The following SNED1 variants were observed in gnomAD, a reference collection of about 807,000 sequenced individuals.
The protein encoded by SNED1 is sushi, nidogen and EGF-like domain-containing protein 1.
Under a neutral mutation model 166.7 loss-of-function variants are expected in SNED1, and 81 were observed. That is an observed-to-expected ratio of 0.49 (90% confidence interval 0.41 to 0.58). The LOEUF (loss-of-function observed/expected upper bound fraction) is 0.58. Ranked by LOEUF, SNED1 falls within the 20% of genes least tolerant of loss-of-function variation. SNED1 has a pLI of 0.00. For synonymous variants in SNED1, 762 were observed against 822.0 expected (o/e 0.93, Z 1.25); for missense variants, 1,604 against 2,000.2 (o/e 0.80, Z 3.78).
chr2:241,071,708 C>T lies in SNED1; in HGVS notation c.3722C>T (p.Thr1241Ile). 4.1e-6 allele frequency: 6 copies of T among 1,474,114 alleles called. No individual in the cohort carries two copies. The highest frequency in any genetic ancestry group is 3.7e-5 in the South Asian group (3 of 81,584). 91.3% of individuals were successfully genotyped at this position (1,474,114 alleles called of 1,614,324 possible). Reference sequence around the variant, plus strand: ...GACCACAGCGCCCCCGAGACCCCCACCCAGCCCCCCAGGTACATGCCCCAC... The same window carrying T: ...GACCACAGCGCCCCCGAGACCCCCATCCAGCCCCCCAGGTACATGCCCCAC... ...LNDHSAPETP[T>I]QPPRFSELVD... The change falls in exon 25 of 32, where the codon ACC becomes ATC. Residue 1241 changes from threonine (T) to isoleucine (I), a missense_variant. Thr to Ile is a moderately conservative substitution (Grantham distance 89, BLOSUM62 -1). Around this residue, in one of 2 missense-constraint regions of SNED1, gnomAD observed 367 missense variants for 379.4 expected, o/e 0.97. Coordinates refer to ENST00000310397, the MANE Select transcript of SNED1 (RefSeq NM_001080437.3).
chr2:241,037,108 G>A lies in SNED1; in HGVS notation c.932-132G>A, dbSNP rs572149675. 431 of 1,005,050 alleles carry A rather than the reference G, an allele frequency of 4.3e-4. 5 individuals carry two copies. In the African/African-American group the frequency reaches 6.0e-3, roughly 14 times the overall value. 62.3% of individuals were successfully genotyped at this position (1,005,050 alleles called of 1,614,324 possible). A position where few individuals can be genotyped will look rare whatever the true frequency, so the allele number is the denominator to read the frequency against. On this transcript the variant is annotated intron_variant, in intron 5 of 31. Transcript: ENST00000310397. ...CCCCCTGGAGTGAGCACCATGGGCG[G>A]GTGCAGTTGCTGCCCTCTCTGAGCC...
chr2:241,063,432 T>G, intron 17 of SNED1, 155 bp from the exon 18 acceptor site: 8 of 647,900 alleles, frequency 1.2e-5, no homozygotes, highest in Non-Finnish European at 1.7e-5. Context: ...GAGGGGTGGG[T>G]TTGGGGCTGA....
chr2:241,048,923 G>A, intron 10 of SNED1, 99 bp from the exon 11 acceptor site: 3 of 1,245,336 alleles, frequency 2.4e-6, no homozygotes, highest in Non-Finnish European at 3.4e-6. Context: ...TGAACCTGTT[G>A]GGGCCACTGG....
intron 5 of SNED1, 120 bp downstream of exon 5, chr2:241,037,035 G>A: frequency 7.7e-7 from 1 of 1,305,684 alleles, no homozygotes; most frequent in Non-Finnish European, 1.0e-6. Flanking sequence ...TCTGTCCCCA[G>A]GGTGTGGGTG....
At position 241,081,669 on chromosome 2, in the gene SNED1, G is replaced by T. The variant is rs745608493; in HGVS notation, c.3917-8G>T. On this transcript the variant is annotated splice_polypyrimidine_tract_variant and splice_region_variant and intron_variant, in intron 27 of 31. Coordinates refer to ENST00000310397, the MANE Select transcript of SNED1 (RefSeq NM_001080437.3). ...CAGTGACTAACCTCTCGTGACCTCTGTTTCCAGACGTCCCTGGCAACTGTT... is the reference window on the plus strand; with the variant it reads ...CAGTGACTAACCTCTCGTGACCTCTTTTTCCAGACGTCCCTGGCAACTGTT... 1.9e-6 allele frequency: 3 copies of T among 1,587,078 alleles called. No individual in the cohort carries two copies. Among genetic ancestry groups the T allele is most frequent in the Non-Finnish European group, 2.6e-6 (3 of 1,165,780 alleles).
chr2:241,065,846 C>T (rs1340234138), intron 21 of SNED1, among the ~76,000 whole-genome samples: 1 of 151,848 alleles, frequency 6.6e-6, no homozygotes, highest in African/African-American at 2.4e-5. Context: ...GGGAGCAGCA[C>T]AACCCCCAGG....
chr2:241,070,915 G>A (rs1259610670), intron 24 of SNED1, among the ~76,000 whole-genome samples: 1 of 152,226 alleles, frequency 6.6e-6, no homozygotes, highest in East Asian at 1.9e-4. Flanking sequence ...TCTGACCCCA[G>A]GCTCCTCCCC....
intron 1 of SNED1, among the ~76,000 whole-genome samples, chr2:241,003,043 G>A (rs1251408838): frequency 1.3e-5 from 2 of 151,950 alleles, no homozygotes; most frequent in African/African-American, 4.8e-5. Flanking sequence ...GTGACCAAGG[G>A]AGCCATACAA....
At chr2:241,083,394 G>A (rs2125312534) in intron 29 of SNED1, among the ~76,000 whole-genome samples, 1 of 41,606 alleles carries the variant, frequency 2.4e-5, no homozygotes, top group Non-Finnish European at 3.7e-5. Flanking sequence ...CATGAAATGG[G>A]GAGGAGCTAC....
At chr2:241,071,958 C>T in intron 26 of SNED1, 80 bp downstream of exon 26, 1 of 1,159,356 alleles carries the variant, frequency 8.6e-7, no homozygotes, top group Non-Finnish European at 1.3e-6. Context: ...CTGTCCCCTA[C>T]ATGATGAGCC....
chr2:241,008,083 C>T (rs772100520), intron 1 of SNED1, among the ~76,000 whole-genome samples: 11 of 152,250 alleles, frequency 7.2e-5, no homozygotes, highest in African/African-American at 1.7e-4. Context: ...GAGCACAGCC[C>T]GGAGGTGGCA....
chr2:241,030,665 G>A, intron 2 of SNED1, 94 bp downstream of exon 2: 4 of 1,316,248 alleles, frequency 3.0e-6, no homozygotes, highest in Non-Finnish European at 4.2e-6. Context: ...TGTGGGTGTG[G>A]TGCAGTCACT....
intron 31 of SNED1, chr2:241,089,210 A>T: frequency 7.8e-7 from 1 of 1,283,122 alleles, no homozygotes; most frequent in Non-Finnish European, 1.1e-6. Context: ...TCAACATGTC[A>T]CTGCATGAAA....
At chr2:241,056,114 G>A (rs368328215) in intron 16 of SNED1, among the ~76,000 whole-genome samples, 1 of 151,678 alleles carries the variant, frequency 6.6e-6, no homozygotes, top group Admixed American at 6.5e-5. Flanking sequence ...TCACCCAAGT[G>A]TTGGAATTTA....
chr2:241,035,275 T>C (rs981001861), intron 4 of SNED1, among the ~76,000 whole-genome samples: 3 of 152,020 alleles, frequency 2.0e-5, no homozygotes, highest in Admixed American at 6.5e-5. Context: ...GGTGACTGCT[T>C]GACAAACCCA....
chr2:241,038,176 G>C (rs1447336683), intron 6 of SNED1, among the ~76,000 whole-genome samples: 1 of 151,950 alleles, frequency 6.6e-6, no homozygotes, highest in African/African-American at 2.4e-5. Context: ...TCCCCACCCA[G>C]CTCAGCCAGG....
chr2:241,052,635 C>CGGGGTG (rs2061890263), intron 15 of SNED1, among the ~76,000 whole-genome samples, 167 bp downstream of exon 15: 4 of 88,456 alleles, frequency 4.5e-5, no homozygotes, highest in Non-Finnish European at 8.9e-5. Context: ...GTGAGAGGGC[C>CGGGGTG]GGGGGGCCAA....
intron 27 of SNED1, among the ~76,000 whole-genome samples, chr2:241,080,055 CG>C (rs1366823771): frequency 6.6e-6 from 1 of 152,082 alleles, no homozygotes; most frequent in East Asian, 1.9e-4. Context: ...GAGGCTGAAA[CG>C]GGCAGTTGAC....
chr2:241,052,320 G>T, intron 14 of SNED1, 35 bp from the exon 15 acceptor site: 1 of 1,539,066 alleles, frequency 6.5e-7, no homozygotes. Flanking sequence ...CTTCAGGGAA[G>T]ACACAGTGGC....
Sources: gnomAD v4.1 joint callset for allele counts (sites outside exome capture counted in the v4.1 genomes callset) on GRCh38, gnomAD v4.1.1 for gene constraint, gnomAD v4.1.1 regional missense constraint, MANE v1.5 for transcripts, NCBI Gene and HGNC (gene_info 2026-07-23, HGNC 2026-07-21) for gene names.